CLDN2: variants seen among roughly 807,000 people sequenced by gnomAD.
CLDN2 encodes claudin 2, also known as claudin-2.
CLDN2 carries 1 observed loss-of-function variant against 8.2 expected under a neutral mutation model. The ratio of observed to expected loss-of-function variants is 0.12; its 90% confidence interval spans 0.04 to 0.58. The LOEUF (loss-of-function observed/expected upper bound fraction) is 0.58. Ranked by LOEUF, CLDN2 falls within the 20% of genes least tolerant of loss-of-function variation. The pLI is 0.90. For missense variants in CLDN2, 108 were observed against 172.9 expected, an observed-to-expected ratio of 0.62 and a Z score of 2.11; for synonymous variants, 70 against 70.2, an observed-to-expected ratio of 1.00 and a Z score of 0.01.
At chrX:106,913,850 A>C (rs191612463), upstream of CLDN2, among the ~76,000 whole-genome samples, 2 of 105,523 alleles carry the variant, frequency 1.9e-5, no homozygotes, top group Non-Finnish European at 3.9e-5. Context: ...GGCTACCTAC[A>C]CTCCTTCTTA....
Position 106,902,217 on chromosome X carries a change from T to C in CLDN2, c.-179+1713T>C, listed in dbSNP as rs1263735035. 3.4e-6 allele frequency: 4 copies of C among 1,170,361 alleles called. No homozygotes were observed. The African/African-American group carries it at 7.2e-5, about 21-fold the overall frequency. On this transcript the variant is annotated intron_variant, in intron 1 of 1. Coordinates refer to the CLDN2 transcript ENST00000541806. Reference sequence around the variant, plus strand: ...CAGGGCCTCCAGAGACAAGTTCCTCTGGGACAAAGAGGAGAGATCAATCCG... The same window carrying C: ...CAGGGCCTCCAGAGACAAGTTCCTCCGGGACAAAGAGGAGAGATCAATCCG...
At chrX:106,919,404 C>T (rs5917027), upstream of CLDN2, among the ~76,000 whole-genome samples, 46,115 of 110,370 alleles carry the variant, frequency 0.42, 8,395 homozygotes, top group Middle Eastern at 0.64. Flanking sequence ...CCAGTCACTG[C>T]GCTCTACTAC....
At position 106,903,288 on chromosome X, in the gene CLDN2, T is replaced by A. The variant is rs138679347; in HGVS notation, c.-179+2784T>A. 9.7e-4 allele frequency: 1,152 copies of A among 1,193,012 alleles called. 20 individuals carry two copies. In the East Asian group the frequency reaches 0.029, roughly 30 times the overall value. On this transcript the variant is annotated intron_variant, in intron 1 of 1. Coordinates refer to the CLDN2 transcript ENST00000541806. ...CAGCAGCACAGGCAGCAGAGTCCAT[T>A]CTTAGGGGACCAAAGCCAGTGGGGT...
chrX:106,927,218 G>T (rs1386494791), intron 1 of CLDN2, among the ~76,000 whole-genome samples: 4 of 111,363 alleles, frequency 3.6e-5, no homozygotes. Context: ...ATGGCTCTGA[G>T]ATTCCAAAGC....
At chrX:106,923,698 A>C (rs752078888) in intron 1 of CLDN2, among the ~76,000 whole-genome samples, 58 of 111,708 alleles carry the variant, frequency 5.2e-4, no homozygotes, top group Admixed American at 2.1e-3. Context: ...CAGCTTTGCA[A>C]ATGTTGAATT....
chrX:106,913,763 C>T (rs780160981), upstream of CLDN2, among the ~76,000 whole-genome samples: 1 of 109,560 alleles, frequency 9.1e-6, no homozygotes, highest in African/African-American at 3.3e-5. Context: ...TTAGCAGAAT[C>T]CAGGTCCTTC....
At chrX:106,910,471 C>T (rs1933235217) in intron 1 of CLDN2, among the ~76,000 whole-genome samples, 1 of 109,611 alleles carries the variant, frequency 9.1e-6, no homozygotes, top group Admixed American at 9.7e-5. Context: ...GGGTGATCTG[C>T]CCGAGGTGGG....
chrX:106,900,595 CTG>C (rs2147784903), intron 1 of CLDN2: 1 of 967,856 alleles, frequency 1.0e-6, no homozygotes, highest in East Asian at 3.5e-5. Context: ...TAACTGATGT[CTG>C]TGAAAACTTG....
At chrX:106,920,173 C>G (rs1445758811), upstream of CLDN2, among the ~76,000 whole-genome samples, 1 of 110,383 alleles carries the variant, frequency 9.1e-6, no homozygotes, top group Non-Finnish European at 1.9e-5. Context: ...CTGGAATGTT[C>G]TGAATTCCTT....
intron 1 of CLDN2, among the ~76,000 whole-genome samples, chrX:106,912,483 G>A (rs1194977390): frequency 5.1e-5 from 5 of 97,620 alleles, no homozygotes; most frequent in African/African-American, 1.9e-4. Flanking sequence ...GTGCCATCAT[G>A]GCTCACTGCA....
chrX:106,929,248 G>T lies in CLDN2; in HGVS notation c.*327G>T. ...GATCCCTTTGCCCTCTGGTTTACCT[G>T]GGACTCCATCCCCAAACCCACTAAT... On this transcript the variant is annotated 3_prime_UTR_variant, in exon 2 of 2. Transcript: ENST00000336803. 1 of 285,385 alleles carries T rather than the reference G, an allele frequency of 3.5e-6. No homozygotes were observed. Among genetic ancestry groups the T allele is most frequent in the Non-Finnish European group, 6.4e-6 (1 of 155,902 alleles). 23.5% of individuals were successfully genotyped at this position (285,385 alleles called of 1,213,427 possible).
At chrX:106,914,021 C>T (rs772074132), upstream of CLDN2, among the ~76,000 whole-genome samples, 5 of 100,594 alleles carry the variant, frequency 5.0e-5, no homozygotes, top group South Asian at 4.9e-4. Context: ...GGTGCAATCT[C>T]GGCCCACTGC....
At chrX:106,910,369 A>G (rs1933233889) in intron 1 of CLDN2, among the ~76,000 whole-genome samples, 1 of 111,246 alleles carries the variant, frequency 9.0e-6, no homozygotes, top group South Asian at 3.8e-4. Flanking sequence ...GACTCCTCAC[A>G]AAAATCTTAT....
In CLDN2 at chrX:106,928,684, G is replaced by A. The variant is rs773581067; in HGVS notation, c.456G>A (p.Val152=). The part of the protein sequence containing the change: ...GILRDFYSPL[V]PDSMKFEIGE... ...TACGGGACTTCTACTCACCACTGGT[G>A]CCTGACAGCATGAAATTTGAGATTG... Residue 152 remains valine, a synonymous_variant, in exon 2 of 2, where the codon GTG becomes GTA. Transcript: ENST00000336803. 6.3e-5 allele frequency: 76 copies of A among 1,209,603 alleles called. No homozygotes were observed. In the South Asian group the frequency reaches 1.3e-3, roughly 21 times the overall value.
At chrX:106,904,640 C>A (rs1276155378) in intron 1 of CLDN2, among the ~76,000 whole-genome samples, 2 of 112,005 alleles carry the variant, frequency 1.8e-5, no homozygotes, top group Non-Finnish European at 3.8e-5. Flanking sequence ...TGTTCACCTA[C>A]CCCCCATCTT....
At chrX:106,900,597 G>A in intron 1 of CLDN2, 1 of 989,931 alleles carries the variant, frequency 1.0e-6, no homozygotes, top group East Asian at 3.5e-5. Context: ...ACTGATGTCT[G>A]TGAAAACTTG....
Position 106,928,153 on chromosome X carries a change from G to A in CLDN2, c.-76G>A. The A allele has an allele frequency of 1.4e-6, 1 of 739,106 alleles. No individual in the cohort carries two copies. The highest frequency in any genetic ancestry group is 2.0e-6 in the Non-Finnish European group (1 of 491,954). The allele number at this position is 739,106 out of a possible 1,213,427, so 60.9% of individuals were successfully genotyped here. A position where few individuals can be genotyped will look rare whatever the true frequency, so the allele number is the denominator to read the frequency against. On this transcript the variant is annotated 5_prime_UTR_variant, in exon 2 of 2. Transcript: ENST00000336803. ...AGAGACTCTGAAATGAGGGATTAGA[G>A]GTGTTCAAGGAGCAAGAGCTTCAGC...
Position 106,928,962 on chromosome X carries a change from A to C in CLDN2, c.*41A>C. ...AGCTGGGGGGTGGCTGGGTCTGTGAAAAACAGTGGACAGCACCCCGAGGGC... is the reference window on the plus strand; with the variant it reads ...AGCTGGGGGGTGGCTGGGTCTGTGACAAACAGTGGACAGCACCCCGAGGGC... On this transcript the variant is annotated 3_prime_UTR_variant, in exon 2 of 2. Coordinates refer to ENST00000336803, the MANE Select transcript of CLDN2 (RefSeq NM_020384.4). The C allele has an allele frequency of 9.0e-7, 1 of 1,106,124 alleles. No homozygotes were observed. The allele number at this position is 1,106,124 out of a possible 1,213,427, so 91.2% of individuals were successfully genotyped here.
upstream of CLDN2, among the ~76,000 whole-genome samples, chrX:106,917,621 A>G (rs781078518): frequency 6.3e-5 from 7 of 110,589 alleles, no homozygotes; most frequent in Non-Finnish European, 1.3e-4. Flanking sequence ...TCCTCTTTTC[A>G]TAGCATCATT....
Sources: allele counts gnomAD v4.1 joint callset (sites outside exome capture counted in the v4.1 genomes callset), GRCh38; gene constraint gnomAD v4.1.1; transcripts MANE v1.5; gene names NCBI Gene and HGNC (gene_info 2026-07-23, HGNC 2026-07-21).